Variants in ARHGEF6 observed in about 807,000 individuals in gnomAD.
ARHGEF6 encodes rho guanine nucleotide exchange factor 6.
ARHGEF6 carries 9 observed loss-of-function variants against 70.3 expected under a neutral mutation model. The ratio of observed to expected loss-of-function variants is 0.13; its 90% CI spans 0.08 to 0.22. The LOEUF is 0.22. Ranked by LOEUF, ARHGEF6 falls within the 10% of genes least tolerant of loss-of-function variation. The pLI, the probability that ARHGEF6 is intolerant of heterozygous loss-of-function variation, is 1.00. For synonymous variants in ARHGEF6, 201 were observed against 207.8 expected (o/e 0.97, Z 0.28); for missense variants, 470 against 563.0 (o/e 0.83, Z 1.67).
chrX:136,764,424 C>T (rs2077293433), intron 2 of ARHGEF6, among the ~76,000 whole-genome samples: 1 of 112,121 alleles, frequency 8.9e-6, no homozygotes, highest in Non-Finnish European at 1.9e-5. Context: ...TATATCCATA[C>T]AATGAAATAT....
chrX:136,753,777 A>C (rs988975251), intron 2 of ARHGEF6, among the ~76,000 whole-genome samples: 1 of 111,975 alleles, frequency 8.9e-6, no homozygotes, highest in African/African-American at 3.3e-5. Context: ...AGGGTATTGC[A>C]GCCTAACATG....
chrX:136,671,308 C>T (rs755708530), intron 20 of ARHGEF6, among the ~76,000 whole-genome samples: 34 of 112,138 alleles, frequency 3.0e-4, no homozygotes, highest in African/African-American at 1.0e-3. Flanking sequence ...TATCACTTCA[C>T]ACATCAGATG....
In ARHGEF6 at chrX:136,780,804, G is replaced by T; in HGVS notation, c.79C>A (p.Pro27Thr). ...LESPKKTICD[P>T]EEFLKSSLKN... The stretch of plus-strand genomic sequence containing the variant: ...AGCGAGGACTTTAAAAACTCCTCCG[G>T]ATCACAGATGGTCTTTTTAGGGGAC... Residue 27 changes from proline to threonine, a missense_variant, in exon 1 of 22, where the codon CCG (proline) becomes ACG (threonine). Around this residue, in one of 3 missense-constraint regions of ARHGEF6, gnomAD observed 379 missense variants for 449.3 expected, o/e 0.84. Coordinates refer to ENST00000250617, the MANE Select transcript of ARHGEF6 (RefSeq NM_004840.3). 4.1e-6 allele frequency: 5 copies of T among 1,210,782 alleles called. No individual in the cohort carries two copies. The highest frequency in any genetic ancestry group is 5.6e-6 in the Non-Finnish European group (5 of 895,030).
chrX:136,715,261 G>A (rs191290685), intron 6 of ARHGEF6, among the ~76,000 whole-genome samples: 5 of 111,012 alleles, frequency 4.5e-5, no homozygotes, highest in South Asian at 3.8e-4. Flanking sequence ...AAGTCCAAGC[G>A]CGAGAATGGA....
At chrX:136,706,283 A>G (rs937105226) in intron 9 of ARHGEF6, among the ~76,000 whole-genome samples, 1 of 111,984 alleles carries the variant, frequency 8.9e-6, no homozygotes, top group African/African-American at 3.2e-5. Context: ...AGCAACTTAT[A>G]TTCATGTATA....
At chrX:136,729,467 C>CA (rs749398050) in intron 6 of ARHGEF6, among the ~76,000 whole-genome samples, 341 of 12,288 alleles carry the variant, frequency 0.028, 10 homozygotes, top group Non-Finnish European at 0.036. Flanking sequence ...GACTCCATCT[C>CA]AAAAAAAAAA....
At chrX:136,720,642 A>C (rs1054441901) in intron 6 of ARHGEF6, among the ~76,000 whole-genome samples, 8 of 111,940 alleles carry the variant, frequency 7.1e-5, no homozygotes, top group Non-Finnish European at 3.8e-5. Context: ...TTTCAACATC[A>C]TATTGAATGT....
At chrX:136,764,394 A>T (rs2077293193) in intron 2 of ARHGEF6, among the ~76,000 whole-genome samples, 1 of 112,371 alleles carries the variant, frequency 8.9e-6, no homozygotes, top group Admixed American at 9.4e-5. Flanking sequence ...TCAACAAGTG[A>T]ATAGAAAAAC....
chrX:136,760,292 G>A (rs934270450), intron 2 of ARHGEF6, among the ~76,000 whole-genome samples: 108 of 112,478 alleles, frequency 9.6e-4, no homozygotes, highest in African/African-American at 3.2e-3. Flanking sequence ...ATCACCAATC[G>A]CTCTGCATAC....
chrX:136,710,041 C>T lies in ARHGEF6; in HGVS notation c.828-1271G>A, dbSNP rs140223956. On this transcript the variant is annotated intron_variant, in intron 7 of 21. Coordinates refer to ENST00000250617, the MANE Select transcript of ARHGEF6 (RefSeq NM_004840.3). ...TAACACTAGGCCGGGTGTGGTGGCTCACGCCTGAAATCCCAGCACTTTGGG... is the reference window on the plus strand; with the variant it reads ...TAACACTAGGCCGGGTGTGGTGGCTTACGCCTGAAATCCCAGCACTTTGGG... Among the ~76,000 whole-genome samples the T allele has an allele frequency of 5.6e-3, 620 of 110,381 alleles. 6 individuals carry two copies. Among genetic ancestry groups the T allele is most frequent in the African/African-American group, 0.019 (571 of 30,403 alleles).
At chrX:136,767,196 G>A (rs2077324359) in intron 2 of ARHGEF6, 16 of 754,027 alleles carry the variant, frequency 2.1e-5, no homozygotes, top group South Asian at 6.8e-5. Flanking sequence ...CTCCAGCCGC[G>A]CCGCCGCCGC....
At chrX:136,742,256 G>T (rs1291608987) in intron 5 of ARHGEF6, among the ~76,000 whole-genome samples, 8 of 111,297 alleles carry the variant, frequency 7.2e-5, no homozygotes, top group Non-Finnish European at 1.9e-5. Context: ...GAGGCGGAGT[G>T]TGCAGCAAGC....
intron 5 of ARHGEF6, among the ~76,000 whole-genome samples, chrX:136,741,534 T>TG (rs2077042228): frequency 1.8e-5 from 2 of 108,661 alleles, no homozygotes; most frequent in African/African-American, 6.9e-5. Flanking sequence ...TCTTTTTTTT[T>TG]TTTTGTGTGT....
At chrX:136,754,194 T>C (rs1312552075) in intron 2 of ARHGEF6, among the ~76,000 whole-genome samples, 1 of 111,559 alleles carries the variant, frequency 9.0e-6, no homozygotes, top group Non-Finnish European at 1.9e-5. Flanking sequence ...GAGACTTTAG[T>C]TGAGTATTAA....
chrX:136,715,719 T>G (rs1157515891), intron 6 of ARHGEF6, among the ~76,000 whole-genome samples: 1 of 110,432 alleles, frequency 9.1e-6, no homozygotes, highest in Non-Finnish European at 1.9e-5. Flanking sequence ...AGGGGCCCAA[T>G]ATTAGGACAG....
intron 9 of ARHGEF6, among the ~76,000 whole-genome samples, chrX:136,701,944 T>A (rs2076579853): frequency 9.0e-6 from 1 of 110,641 alleles, no homozygotes. Flanking sequence ...CCTGACCTCG[T>A]GATCCGCCCA....
At chrX:136,772,936 G>A (rs568354382) in intron 2 of ARHGEF6, among the ~76,000 whole-genome samples, 6 of 111,739 alleles carry the variant, frequency 5.4e-5, no homozygotes, top group East Asian at 2.8e-4. Context: ...GGGTGCTTCC[G>A]AGAGCACTTT....
At chrX:136,728,321 C>G (rs1048867536) in intron 6 of ARHGEF6, among the ~76,000 whole-genome samples, 18 of 110,982 alleles carry the variant, frequency 1.6e-4, no homozygotes, top group Non-Finnish European at 3.0e-4. Context: ...ATTAAACATG[C>G]CTAGTGGCAG....
chrX:136,699,876 C>T (rs1453859276), intron 9 of ARHGEF6, among the ~76,000 whole-genome samples: 1 of 110,685 alleles, frequency 9.0e-6, no homozygotes. Flanking sequence ...CGGGGTGGAG[C>T]ATCCATTTTG....
Sources: allele counts gnomAD v4.1 joint callset (sites outside exome capture counted in the v4.1 genomes callset), GRCh38; gene constraint gnomAD v4.1.1; regional missense constraint gnomAD v4.1.1; transcripts MANE v1.5; gene names NCBI Gene and HGNC (gene_info 2026-07-23, HGNC 2026-07-21).